SHTN1: variants seen among roughly 807,000 people sequenced by gnomAD.
The protein encoded by SHTN1 is shootin-1.
In SHTN1, 42 loss-of-function variants were observed where a neutral mutation model predicts 83.1. The observed-to-expected ratio is 0.51, with a 90% confidence interval of 0.39 to 0.65. The LOEUF (loss-of-function observed/expected upper bound fraction) is 0.65. Ranked by LOEUF, SHTN1 falls within the 30% of genes least tolerant of loss-of-function variation. The pLI, the probability that SHTN1 is intolerant of heterozygous loss-of-function variation, is 0.00. For synonymous variants in SHTN1, 224 were observed against 247.7 expected (o/e 0.90, Z 0.90); for missense variants, 622 against 737.8 (o/e 0.84, Z 1.82).
At chr10:117,028,769 G>A (rs945055190) in intron 2 of SHTN1, among the ~76,000 whole-genome samples, 1 of 152,178 alleles carries the variant, frequency 6.6e-6, no homozygotes, top group Non-Finnish European at 1.5e-5. Context: ...GGGAGCCTCT[G>A]CCTAGATTTC....
intron 6 of SHTN1, 124 bp from the exon 7 acceptor site, chr10:116,949,121 G>A: frequency 9.2e-7 from 1 of 1,082,278 alleles, no homozygotes. Context: ...GCAGAAATTG[G>A]TTTCAATGTG....
chr10:117,024,348 CTTTTTTTTT>C (rs1174576153), intron 2 of SHTN1, among the ~76,000 whole-genome samples: 1 of 77,710 alleles, frequency 1.3e-5, no homozygotes, highest in Non-Finnish European at 2.4e-5. Context: ...CAAAACTTTT[CTTTTTTTTT>C]TTTTTTTTTT....
chr10:116,935,930 C>A (rs190435228), intron 9 of SHTN1, among the ~76,000 whole-genome samples: 2 of 152,236 alleles, frequency 1.3e-5, no homozygotes, highest in African/African-American at 4.8e-5. Context: ...TCCATTTCTT[C>A]TAGATTTTCT....
intron 1 of SHTN1, among the ~76,000 whole-genome samples, chr10:116,996,371 A>G (rs1264747180): frequency 6.6e-6 from 1 of 152,166 alleles, no homozygotes; most frequent in South Asian, 2.1e-4. Flanking sequence ...GAATCACTGA[A>G]ATTAAAATTG....
At chr10:117,069,206 T>C (rs188083121) in intron 1 of SHTN1, among the ~76,000 whole-genome samples, 9 of 152,218 alleles carry the variant, frequency 5.9e-5, no homozygotes, top group Non-Finnish European at 8.8e-5. Context: ...TCAAGTAATA[T>C]AGAGAAATCA....
At chr10:117,022,483 CA>C (rs1373497964) in intron 2 of SHTN1, among the ~76,000 whole-genome samples, 5 of 151,616 alleles carry the variant, frequency 3.3e-5, no homozygotes, top group Non-Finnish European at 5.9e-5. Context: ...CTGATTATGC[CA>C]ATACATCAAA....
At chr10:116,932,409 T>C (rs557529413) in intron 9 of SHTN1, among the ~76,000 whole-genome samples, 1 of 152,182 alleles carries the variant, frequency 6.6e-6, no homozygotes, top group Non-Finnish European at 1.5e-5. Context: ...CCGCTCTTTA[T>C]GATAATCTAA....
chr10:117,019,084 A>T (rs1392621455), intron 2 of SHTN1, among the ~76,000 whole-genome samples: 2 of 152,258 alleles, frequency 1.3e-5, no homozygotes, highest in Admixed American at 1.3e-4. Flanking sequence ...ACAGATCATT[A>T]TAAAAAATTA....
chr10:116,937,949 CG>C (rs1564886463), intron 9 of SHTN1, among the ~76,000 whole-genome samples: 3 of 151,238 alleles, frequency 2.0e-5, no homozygotes, highest in Non-Finnish European at 4.4e-5. Flanking sequence ...TCTGCTTGAT[CG>C]ATTCGGCTAT....
At chr10:117,082,928 G>C (rs1161811771) in intron 1 of SHTN1, among the ~76,000 whole-genome samples, 1 of 149,054 alleles carries the variant, frequency 6.7e-6, no homozygotes, top group Non-Finnish European at 1.5e-5. Context: ...GCCTATGTGT[G>C]CTCTGCACGT....
At position 116,912,833 on chromosome 10, in the gene SHTN1, TGA is replaced by T. The variant is rs552807594; in HGVS notation, c.1306-992_1306-991del. On this transcript the variant is annotated intron_variant, in intron 13 of 16. Transcript: ENST00000355371. ...GTTATATTCTCTCTCATCAAAAAAA[TGA>T]GAGTTAATTAACAGCAACCTATAAT... Among the ~76,000 whole-genome samples, 114 of 152,232 alleles carry T rather than the reference TGA, an allele frequency of 7.5e-4. 3 individuals carry two copies. In the South Asian group the frequency reaches 0.023, roughly 30 times the overall value.
At chr10:116,938,864 CAG>C (rs750928950) in intron 9 of SHTN1, among the ~76,000 whole-genome samples, 19 of 152,184 alleles carry the variant, frequency 1.2e-4, no homozygotes, top group Non-Finnish European at 2.2e-4. Context: ...ATGCTTTGCC[CAG>C]AGAGGAGGAA....
At chr10:116,893,601 A>AC (rs1847415803) in intron 16 of SHTN1, among the ~76,000 whole-genome samples, 2 of 1,130 alleles carry the variant, frequency 1.8e-3, no homozygotes, top group African/African-American at 4.6e-3. Context: ...CACACACGAG[A>AC]AAGAAAGCGG....
intron 16 of SHTN1, among the ~76,000 whole-genome samples, chr10:116,897,614 T>C (rs1847568851): frequency 6.6e-6 from 1 of 152,200 alleles, no homozygotes; most frequent in African/African-American, 2.4e-5. Flanking sequence ...AATTGTAAGA[T>C]AAGATAGGAA....
chr10:117,086,142 T>A (rs1433539288), intron 1 of SHTN1, among the ~76,000 whole-genome samples: 1 of 152,128 alleles, frequency 6.6e-6, no homozygotes, highest in South Asian at 2.1e-4. Flanking sequence ...ATGGTCTGTA[T>A]CTCCTGACCT....
chr10:117,024,455 C>T (rs543862835), intron 2 of SHTN1, among the ~76,000 whole-genome samples: 2 of 150,268 alleles, frequency 1.3e-5, no homozygotes, highest in East Asian at 2.0e-4. Context: ...CCCGGGTTCA[C>T]GCCATTCTCC....
intron 2 of SHTN1, among the ~76,000 whole-genome samples, chr10:117,020,435 G>A (rs1292681923): frequency 1.3e-5 from 2 of 151,600 alleles, no homozygotes; most frequent in African/African-American, 4.8e-5. Flanking sequence ...GAGTGGCAGA[G>A]GTTGCAGTGA....
chr10:117,126,334 G>A (rs867793143), exon 1 of SHTN1: 2 of 163,786 alleles, frequency 1.2e-5, no homozygotes, highest in South Asian at 3.0e-4. Flanking sequence ...CCCGGCCTCC[G>A]TCGACGGAAG....
At chr10:116,980,604 A>T (rs1216206548) in intron 1 of SHTN1, among the ~76,000 whole-genome samples, 1 of 152,084 alleles carries the variant, frequency 6.6e-6, no homozygotes, top group Non-Finnish European at 1.5e-5. Flanking sequence ...AAAAAAACAG[A>T]GCTTCCTATT....
Sources: allele counts gnomAD v4.1 joint callset (sites outside exome capture counted in the v4.1 genomes callset), GRCh38; gene constraint gnomAD v4.1.1; transcripts MANE v1.5; gene names NCBI Gene and HGNC (gene_info 2026-07-23, HGNC 2026-07-21).